The following C1QTNF5 variants were observed in gnomAD, a reference collection of about 807,000 sequenced individuals.
C1QTNF5 encodes the protein C1q and TNF related 5.
Under a neutral mutation model 10.9 loss-of-function variants are expected in C1QTNF5, and 5 were observed. That is an observed-to-expected ratio of 0.46 (90% CI 0.24 to 0.97). The LOEUF (loss-of-function observed/expected upper bound fraction) is 0.97, where lower values mean the gene tolerates loss of function less well. Among genes scored for constraint, C1QTNF5 ranks in the 50% least tolerant of loss-of-function variants. The pLI, the probability that C1QTNF5 is intolerant of heterozygous loss-of-function variation, is 0.19. For synonymous variants in C1QTNF5, 161 were observed against 156.5 expected (o/e 1.03, Z -0.22); for missense variants, 281 against 339.4 (o/e 0.83, Z 1.35).
In C1QTNF5 at chr11:119,340,544, T is replaced by A; in HGVS notation, c.-43-104A>T. ...GGTCCCCACCCCACTGCCGTGCCCC[T>A]GAGGCTGAGCGCTCGCAGGGCCGAG... On this transcript the variant is annotated intron_variant, in intron 1 of 2. Coordinates refer to ENST00000528368, the MANE Select transcript of C1QTNF5 (RefSeq NM_001278431.2). 2 of 832,142 alleles carry A rather than the reference T, an allele frequency of 2.4e-6. 1 individual carries two copies. The highest frequency in any genetic ancestry group is 3.7e-6 in the Non-Finnish European group (2 of 542,984). 51.5% of individuals were successfully genotyped at this position (832,142 alleles called of 1,614,324 possible).
At chr11:119,340,011 G>A (rs940858657) in intron 2 of C1QTNF5, among the ~76,000 whole-genome samples, 163 bp from the exon 3 acceptor site, 2 of 152,148 alleles carry the variant, frequency 1.3e-5, no homozygotes, top group Admixed American at 6.5e-5. Context: ...GGGCAGATCT[G>A]GGGGGCTGGC....
rs1406125086 is a variant in C1QTNF5 at position 119,339,232 on chromosome 11, C to T, written c.*99G>A. 2.2e-6 allele frequency: 3 copies of T among 1,379,424 alleles called. No individual in the cohort carries two copies. Among genetic ancestry groups the T allele is most frequent in the Admixed American group, 4.3e-5 (2 of 46,180 alleles). The allele number at this position is 1,379,424 out of a possible 1,614,324, so 85.4% of individuals were successfully genotyped here. A position where few individuals can be genotyped will look rare whatever the true frequency, so the allele number is the denominator to read the frequency against. ...GCTCTACCCCACCTCCCTAGTCATT[C>T]ACAATATTCCAGGGGGGCCAGCCCT... On this transcript the variant is annotated 3_prime_UTR_variant, in exon 3 of 3. Transcript: ENST00000528368. The surrounding 1 kb of genome is among the most constrained non-coding windows in gnomAD (Gnocchi z 5.4).
upstream of C1QTNF5, chr11:119,343,744 G>A (rs1238293508): frequency 1.3e-6 from 2 of 1,582,860 alleles, no homozygotes; most frequent in Non-Finnish European, 1.7e-6. Context: ...GAATGTGCTG[G>A]GCCGACATGG....
the C1QTNF5 span, chr11:119,346,540 G>A: frequency 6.2e-7 from 1 of 1,612,804 alleles, no homozygotes; most frequent in Non-Finnish European, 8.5e-7. Context: ...TGGCTTTCTG[G>A]AGTCCCTGTG....
At chr11:119,343,782 G>C, upstream of C1QTNF5, 1 of 1,613,330 alleles carries the variant, frequency 6.2e-7, no homozygotes, top group Non-Finnish European at 8.5e-7. Context: ...CAGTGAGGAT[G>C]GAGTTATCCA....
Position 119,339,080 on chromosome 11 carries a change from G to T in C1QTNF5, c.*251C>A. 2.0e-6 allele frequency: 1 copy of T among 491,358 alleles called. No homozygotes were observed. Among genetic ancestry groups the T allele is most frequent in the South Asian group, 3.5e-5 (1 of 28,912 alleles). The allele number at this position is 491,358 out of a possible 1,614,324, so 30.4% of individuals were successfully genotyped here. On this transcript the variant is annotated 3_prime_UTR_variant, in exon 3 of 3. Coordinates refer to ENST00000528368, the MANE Select transcript of C1QTNF5 (RefSeq NM_001278431.2). This position sits in a 1 kb window ranked among gnomAD's most constrained non-coding sequence, Gnocchi z 5.4. ...GGCTCCTGGACCAGAGCAACTGGGG[G>T]ACTTACACTTGCCAGCACAGCACAC...
chr11:119,340,911 A>G (rs1950497101), upstream of C1QTNF5: 4 of 168,556 alleles, frequency 2.4e-5, no homozygotes, highest in South Asian at 5.9e-4. Flanking sequence ...GGACCGGGAA[A>G]TAGCTGGGAA....
chr11:119,344,371 C>T (rs753235142), upstream of C1QTNF5: 106 of 1,613,774 alleles, frequency 6.6e-5, no homozygotes, highest in Non-Finnish European at 8.6e-5. Flanking sequence ...CCCTGGAGGC[C>T]AGTCAGATTC....
At position 119,339,213 on chromosome 11, in the gene C1QTNF5, C is replaced by T. The variant is rs757093089; in HGVS notation, c.*118G>A. On this transcript the variant is annotated 3_prime_UTR_variant, in exon 3 of 3. Coordinates refer to ENST00000528368, the MANE Select transcript of C1QTNF5 (RefSeq NM_001278431.2). The surrounding 1 kb of genome is among the most constrained non-coding windows in gnomAD (Gnocchi z 5.4). ...CAGCAGCAGGACGGAGAGTGCTCTA[C>T]CCCACCTCCCTAGTCATTCACAATA... 8.4e-7 allele frequency: 1 copy of T among 1,191,906 alleles called. No homozygotes were observed. Among genetic ancestry groups the T allele is most frequent in the African/African-American group, 1.5e-5 (1 of 65,126 alleles). 73.8% of individuals were successfully genotyped at this position (1,191,906 alleles called of 1,614,324 possible). A position where few individuals can be genotyped will look rare whatever the true frequency, so the allele number is the denominator to read the frequency against.
chr11:119,340,471 C>T, intron 1 of C1QTNF5, 31 bp from the exon 2 acceptor site: 2 of 1,468,196 alleles, frequency 1.4e-6, no homozygotes, highest in East Asian at 2.5e-5. Flanking sequence ...GAGTCGGGAC[C>T]CAGAATCCTG....
At position 119,339,621 on chromosome 11, in the gene C1QTNF5, G is replaced by C. The variant is rs772224131; in HGVS notation, c.442C>G (p.Pro148Ala). 2 of 1,613,066 alleles carry C rather than the reference G, an allele frequency of 1.2e-6. No homozygotes were observed. Among genetic ancestry groups the C allele is most frequent in the Non-Finnish European group, 1.7e-6 (2 of 1,180,036 alleles). The change falls in exon 3 of 3, where the codon CCT becomes GCT. Residue 148 changes from proline (P) to alanine (A), a missense_variant. Physicochemically the swap from Pro to Ala is conservative, Grantham distance 27 (BLOSUM62 -1). Transcript: ENST00000528368. This position sits in a 1 kb window ranked among gnomAD's most constrained non-coding sequence, Gnocchi z 5.4. ...AVTGKFTCQV[P>A]GVYYFAVHAT... Reference sequence around the variant, plus strand: ...TGGACGGCGAAGTAGTAGACCCCAGGCACCTGGCAGGTGAACTTGCCGGTG... The same window carrying C: ...TGGACGGCGAAGTAGTAGACCCCAGCCACCTGGCAGGTGAACTTGCCGGTG...
upstream of C1QTNF5, chr11:119,344,275 G>A (rs377451435): frequency 8.2e-5 from 130 of 1,579,758 alleles, no homozygotes; most frequent in African/African-American, 1.3e-4. Flanking sequence ...AGGTGCTTCC[G>A]TGTGTGCCCC....
chr11:119,343,522 A>G (rs1950524926), upstream of C1QTNF5, among the ~76,000 whole-genome samples: 1 of 152,136 alleles, frequency 6.6e-6, no homozygotes, highest in South Asian at 2.1e-4. Flanking sequence ...GCCTCAAAAA[A>G]AGAAGAAAAA....
upstream of C1QTNF5, chr11:119,341,666 A>G (rs1183212786): frequency 1.2e-6 from 2 of 1,613,052 alleles, no homozygotes; most frequent in Admixed American, 3.3e-5. Flanking sequence ...TTCCTGGCAG[A>G]CAGAGCGGCA....
upstream of C1QTNF5, chr11:119,342,658 A>C: frequency 6.2e-7 from 1 of 1,613,620 alleles, no homozygotes; most frequent in Non-Finnish European, 8.5e-7. Context: ...GTCTCTCCAC[A>C]TGTCACACAT....
Position 119,339,844 on chromosome 11 carries a change from C to A in C1QTNF5, c.219G>T (p.Leu73=). Residue 73 remains leucine, a synonymous_variant, in exon 3 of 3, where the codon CTG becomes CTT. Coordinates refer to ENST00000528368, the MANE Select transcript of C1QTNF5 (RefSeq NM_001278431.2). This position sits in a 1 kb window ranked among gnomAD's most constrained non-coding sequence, Gnocchi z 5.4. The stretch of plus-strand genomic sequence containing the variant: ...GCCCGGGGTCCCCTCGAGGTCCCGG[C>A]AGTCCTGCGGGGTAAGCGGGGCGGC... ...GEKGEGGRPG[L]PGPRGDPGPR... The A allele has an allele frequency of 6.7e-7, 1 of 1,491,172 alleles. No homozygotes were observed. Among genetic ancestry groups the A allele is most frequent in the Non-Finnish European group, 8.9e-7 (1 of 1,127,760 alleles). The allele number at this position is 1,491,172 out of a possible 1,614,324, so 92.4% of individuals were successfully genotyped here. A position where few individuals can be genotyped will look rare whatever the true frequency, so the allele number is the denominator to read the frequency against.
the C1QTNF5 span, chr11:119,346,290 C>T: frequency 1.4e-5 from 23 of 1,613,292 alleles, no homozygotes; most frequent in African/African-American, 8.0e-5. Flanking sequence ...GGAGCTGGGA[C>T]GCTGTAGCTG....
upstream of C1QTNF5, chr11:119,344,734 G>C: frequency 6.2e-7 from 1 of 1,613,996 alleles, no homozygotes; most frequent in Non-Finnish European, 8.5e-7. Context: ...TGGTCACAGC[G>C]GAACTCATCA....
chr11:119,345,811 C>G, upstream of C1QTNF5: 1 of 1,613,868 alleles, frequency 6.2e-7, no homozygotes, highest in Non-Finnish European at 8.5e-7. Context: ...CTCCTGCTGC[C>G]CTTTAGGGGT....
Sources: allele counts gnomAD v4.1 joint callset (sites outside exome capture counted in the v4.1 genomes callset), GRCh38; gene constraint gnomAD v4.1.1; non-coding constraint Gnocchi (gnomAD v3.1); transcripts MANE v1.5; gene names NCBI Gene and HGNC (gene_info 2026-07-23, HGNC 2026-07-21).